Variants in HSPA12A observed in about 807,000 individuals in gnomAD.
HSPA12A encodes heat shock 70 kDa protein 12A.
Under a neutral mutation model 69.2 loss-of-function variants are expected in HSPA12A, and 28 were observed. That is an observed-to-expected ratio of 0.40 (90% confidence interval 0.30 to 0.55). HSPA12A has a LOEUF of 0.55. HSPA12A is among the 20% of genes least tolerant of loss of function. The pLI is 0.38. For synonymous variants in HSPA12A, 345 were observed against 370.5 expected (o/e 0.93, Z 0.79); for missense variants, 686 against 900.7 (o/e 0.76, Z 3.05).
At chr10:116,689,385 G>T (rs1203802492) in intron 6 of HSPA12A, among the ~76,000 whole-genome samples, 1 of 152,066 alleles carries the variant, frequency 6.6e-6, no homozygotes, top group African/African-American at 2.4e-5. Flanking sequence ...CAGCTCTCCT[G>T]CCTGAAGTTG....
At chr10:116,725,090 C>T (rs781902640) in intron 1 of HSPA12A, among the ~76,000 whole-genome samples, 50 of 152,202 alleles carry the variant, frequency 3.3e-4, no homozygotes, top group Non-Finnish European at 7.1e-4. Context: ...TGAGCTGTTC[C>T]CACAATACCA....
Position 116,781,847 on chromosome 10 carries a change from A to G in HSPA12A, c.91+53088T>C, listed in dbSNP as rs77641061. Among the ~76,000 whole-genome samples, 1,281 of 152,316 alleles carry G rather than the reference A, an allele frequency of 8.4e-3. 27 individuals carry two copies. In the East Asian group the frequency reaches 0.093, roughly 11 times the overall value. Reference sequence around the variant, plus strand: ...TGACTCAACAAACAAAGCATTTCTTAAAACAAGTCTTCAAACATGCAAACA... The same window carrying G: ...TGACTCAACAAACAAAGCATTTCTTGAAACAAGTCTTCAAACATGCAAACA... On this transcript the variant is annotated intron_variant, in intron 2 of 12. Coordinates refer to the HSPA12A transcript ENST00000635765.
At chr10:116,821,884 C>T (rs1345854581) in intron 2 of HSPA12A, among the ~76,000 whole-genome samples, 2 of 152,158 alleles carry the variant, frequency 1.3e-5, no homozygotes, top group Non-Finnish European at 2.9e-5. Flanking sequence ...CCAGAACCTG[C>T]CATTGGGTCT....
chr10:116,849,926 G>A, upstream of HSPA12A: 1 of 743,412 alleles, frequency 1.3e-6, no homozygotes, highest in Non-Finnish European at 2.4e-6. Context: ...GATCTCCCCA[G>A]AGAAAGTGGC....
At chr10:116,679,371 T>G in intron 10 of HSPA12A, 132 bp downstream of exon 10, 1 of 1,044,200 alleles carries the variant, frequency 9.6e-7, no homozygotes, top group Non-Finnish European at 1.4e-6. Flanking sequence ...GAAGAGAAGT[T>G]GAGTCCCTTG....
At chr10:116,740,972 A>AG (rs1851485378) in intron 1 of HSPA12A, among the ~76,000 whole-genome samples, 1 of 150,092 alleles carries the variant, frequency 6.7e-6, no homozygotes, top group African/African-American at 2.4e-5. Flanking sequence ...AAAAAAAAAA[A>AG]AAAAAAAAAA....
At chr10:116,774,933 A>G (rs116219820) in intron 2 of HSPA12A, among the ~76,000 whole-genome samples, 1 of 149,618 alleles carries the variant, frequency 6.7e-6, no homozygotes, top group African/African-American at 2.5e-5. Context: ...CTGTCACTCC[A>G]CTCCCTCCCC....
rs1353994292 is a variant in HSPA12A, at chr10:116,710,465, C to T, written c.41-3180G>A. ...AGCCAAGGTTGAGCCACACATGGAACACATGTCTTGGGTCCCCAGGGGACT... is the reference window on the plus strand; with the variant it reads ...AGCCAAGGTTGAGCCACACATGGAATACATGTCTTGGGTCCCCAGGGGACT... On this transcript the variant is annotated intron_variant, in intron 1 of 11. Transcript: ENST00000369209. The surrounding 1 kb of genome is among the most constrained non-coding windows in gnomAD (Gnocchi z 4.1). Among the ~76,000 whole-genome samples the T allele has an allele frequency of 6.6e-6, 1 of 152,168 alleles. No individual in the cohort carries two copies. Among genetic ancestry groups the T allele is most frequent in the Non-Finnish European group, 1.5e-5 (1 of 68,040 alleles).
At chr10:116,691,284 T>A (rs1179946817) in intron 6 of HSPA12A, among the ~76,000 whole-genome samples, 1 of 152,174 alleles carries the variant, frequency 6.6e-6, no homozygotes, top group Admixed American at 6.5e-5. Flanking sequence ...GTGTGCTACT[T>A]GGAGTCAAGC....
chr10:116,742,677 C>T (rs1223795827), upstream of HSPA12A: 51 of 891,708 alleles, frequency 5.7e-5, no homozygotes, highest in East Asian at 1.1e-4. Context: ...GAGCTCGGGC[C>T]GGCCGGGAAA....
intron 6 of HSPA12A, among the ~76,000 whole-genome samples, chr10:116,687,930 G>A (rs1322116859): frequency 1.3e-5 from 2 of 152,126 alleles, no homozygotes; most frequent in African/African-American, 2.4e-5. Flanking sequence ...GGCCCAGGAC[G>A]ACTTTGGATG....
chr10:116,690,067 CAT>C (rs1849692767), intron 6 of HSPA12A, among the ~76,000 whole-genome samples: 1 of 152,184 alleles, frequency 6.6e-6, no homozygotes, highest in Non-Finnish European at 1.5e-5. Context: ...ATCACAGGTA[CAT>C]ATCTTTCTTA....
intron 2 of HSPA12A, among the ~76,000 whole-genome samples, chr10:116,796,950 C>T (rs1401301230): frequency 6.6e-6 from 1 of 152,070 alleles, no homozygotes; most frequent in Admixed American, 6.5e-5. Context: ...TTACTTGGGG[C>T]CCCCTCCATT....
intron 1 of HSPA12A, among the ~76,000 whole-genome samples, chr10:116,838,951 G>A (rs955935931): frequency 2.6e-5 from 4 of 152,138 alleles, no homozygotes; most frequent in African/African-American, 9.7e-5. Context: ...AGCACCTTAT[G>A]TACTTAGTAA....
intron 2 of HSPA12A, among the ~76,000 whole-genome samples, chr10:116,820,227 CA>C (rs1845386215): frequency 6.6e-6 from 1 of 152,032 alleles, no homozygotes; most frequent in Non-Finnish European, 1.5e-5. Flanking sequence ...AATTAAAAAT[CA>C]AGGAAAAATA....
intron 2 of HSPA12A, among the ~76,000 whole-genome samples, chr10:116,787,668 G>T (rs1336106635): frequency 6.6e-6 from 1 of 152,096 alleles, no homozygotes; most frequent in Non-Finnish European, 1.5e-5. Flanking sequence ...GTGGGAGGCG[G>T]GGAGCTTAGT....
At chr10:116,835,042 A>G (rs1845684167) in intron 1 of HSPA12A, 2 of 1,219,238 alleles carry the variant, frequency 1.6e-6, no homozygotes, top group Admixed American at 8.5e-5. Flanking sequence ...GGGGGAAAAG[A>G]GTTGCACTGT....
At chr10:116,817,456 A>G (rs1726974901) in intron 2 of HSPA12A, among the ~76,000 whole-genome samples, 1 of 131,988 alleles carries the variant, frequency 7.6e-6, no homozygotes, top group Non-Finnish European at 1.5e-5. Flanking sequence ...CGTCAAGTTC[A>G]GGGACAGGCT....
At chr10:116,717,738 C>T (rs1162796556) in intron 1 of HSPA12A, among the ~76,000 whole-genome samples, 6 of 152,188 alleles carry the variant, frequency 3.9e-5, no homozygotes, top group African/African-American at 1.4e-4. Context: ...TACACAATGA[C>T]ACAAGCAGAG....
Sources: gnomAD v4.1 joint callset for allele counts (sites outside exome capture counted in the v4.1 genomes callset) on GRCh38, gnomAD v4.1.1 for gene constraint, Gnocchi (gnomAD v3.1) non-coding constraint, MANE v1.5 for transcripts, NCBI Gene and HGNC (gene_info 2026-07-23, HGNC 2026-07-21) for gene names.